Variants in CNTN5 observed in about 807,000 individuals in gnomAD.
The protein encoded by CNTN5 is contactin-5.
A neutral mutation model predicts 129.1 loss-of-function variants in CNTN5; 77 were observed. The observed-to-expected ratio is 0.60, with a 90% CI of 0.50 to 0.72. The LOEUF is 0.72. CNTN5 is among the 30% of genes least tolerant of loss of function. The probability of loss-of-function intolerance (pLI) is 0.00; values close to 1 mark genes in which losing one functional copy is unlikely to be tolerated. For missense variants in CNTN5, 1,478 were observed against 1,328.8 expected, an observed-to-expected ratio of 1.11 and a Z score of -1.75; for synonymous variants, 509 against 465.6, an observed-to-expected ratio of 1.09 and a Z score of -1.20.
intron 3 of CNTN5, among the ~76,000 whole-genome samples, chr11:99,586,930 C>T (rs1284043377): frequency 1.3e-5 from 2 of 152,190 alleles, no homozygotes; most frequent in South Asian, 2.1e-4. Context: ...CGTTAATGCA[C>T]CTAGGCAGAG....
At chr11:99,627,954 A>G (rs767132006) in intron 3 of CNTN5, among the ~76,000 whole-genome samples, 2 of 149,874 alleles carry the variant, frequency 1.3e-5, no homozygotes, top group Non-Finnish European at 3.0e-5. Flanking sequence ...AGGGAAGCAC[A>G]TTCAGCTACA....
At chr11:99,581,720 G>A (rs979090459) in intron 3 of CNTN5, among the ~76,000 whole-genome samples, 1 of 152,084 alleles carries the variant, frequency 6.6e-6, no homozygotes, top group Non-Finnish European at 1.5e-5. Flanking sequence ...TTGAGACTAT[G>A]TGTGTCTCAG....
Position 100,169,252 on chromosome 11 carries a change from T to C in CNTN5, c.1581-21874T>C, listed in dbSNP as rs1277287802. Among the ~76,000 whole-genome samples, 3 of 151,956 alleles carry C rather than the reference T, an allele frequency of 2.0e-5. No individual in the cohort carries two copies. In the East Asian group the frequency reaches 5.8e-4, roughly 29 times the overall value. On this transcript the variant is annotated intron_variant, in intron 13 of 24. Transcript: ENST00000524871. Reference sequence around the variant, plus strand: ...ACTCCTATTTTTGAGAGAAGCTCTGTTGGGTGAAGTATGAACCAACAGCAT... The same window carrying C: ...ACTCCTATTTTTGAGAGAAGCTCTGCTGGGTGAAGTATGAACCAACAGCAT...
At chr11:99,324,735 G>A (rs1184609997) in intron 1 of CNTN5, among the ~76,000 whole-genome samples, 8 of 152,004 alleles carry the variant, frequency 5.3e-5, no homozygotes, top group South Asian at 2.1e-4. Context: ...TCCACCTCCC[G>A]GGTTCACACC....
At chr11:99,927,681 A>G (rs998309552) in intron 7 of CNTN5, among the ~76,000 whole-genome samples, 3 of 152,116 alleles carry the variant, frequency 2.0e-5, no homozygotes, top group African/African-American at 7.2e-5. Flanking sequence ...CTCATGATTA[A>G]ATTACCTCTC....
intron 2 of CNTN5, among the ~76,000 whole-genome samples, chr11:99,371,546 C>G (rs1939824676): frequency 6.6e-6 from 1 of 151,884 alleles, no homozygotes. Context: ...ACTAGATGGG[C>G]TAATTTCTTA....
intron 4 of CNTN5, among the ~76,000 whole-genome samples, chr11:99,830,129 G>A (rs189244696): frequency 6.6e-5 from 10 of 152,106 alleles, no homozygotes; most frequent in African/African-American, 1.7e-4. Context: ...TTTCGGGGGC[G>A]GGGAGCATGT....
At chr11:99,598,461 T>TAAA (rs1950213989) in intron 3 of CNTN5, among the ~76,000 whole-genome samples, 1 of 131,766 alleles carries the variant, frequency 7.6e-6, no homozygotes, top group Non-Finnish European at 1.6e-5. Context: ...TTCCTTCCTT[T>TAAA]TTCCCTTCCT....
intron 1 of CNTN5, among the ~76,000 whole-genome samples, chr11:99,194,659 G>A (rs527916841): frequency 2.8e-4 from 42 of 152,100 alleles, no homozygotes; most frequent in Non-Finnish European, 5.0e-4. Flanking sequence ...AGGCTGGAGT[G>A]CAGTGGCCCG....
chr11:99,740,654 ACC>A (rs1397505001), intron 3 of CNTN5, among the ~76,000 whole-genome samples: 1 of 152,124 alleles, frequency 6.6e-6, no homozygotes, highest in Non-Finnish European at 1.5e-5. Flanking sequence ...CCCTAGCCAC[ACC>A]CTCAGCAGGC....
At chr11:99,592,413 C>G (rs1950005388) in intron 3 of CNTN5, among the ~76,000 whole-genome samples, 1 of 152,078 alleles carries the variant, frequency 6.6e-6, no homozygotes, top group African/African-American at 2.4e-5. Context: ...TCAGAGAAAC[C>G]AAGTTAAAGA....
intron 23 of CNTN5, among the ~76,000 whole-genome samples, chr11:100,349,208 G>T (rs186496854): frequency 2.6e-5 from 4 of 152,038 alleles, no homozygotes; most frequent in South Asian, 2.1e-4. Context: ...TCAAGTACAC[G>T]CAGGCTTCAA....
At chr11:99,402,370 A>G (rs1177964545) in intron 2 of CNTN5, among the ~76,000 whole-genome samples, 1 of 152,162 alleles carries the variant, frequency 6.6e-6, no homozygotes, top group African/African-American at 2.4e-5. Flanking sequence ...GATGTATTAC[A>G]TTGATTAATT....
chr11:99,844,790 A>T, intron 4 of CNTN5, 62 bp from the exon 5 acceptor site: 1 of 1,518,308 alleles, frequency 6.6e-7, no homozygotes, highest in Non-Finnish European at 8.9e-7. Flanking sequence ...TGGAAAAGAA[A>T]AAAACACAAA....
At chr11:100,247,825 T>C (rs1005153196) in intron 16 of CNTN5, among the ~76,000 whole-genome samples, 5 of 152,154 alleles carry the variant, frequency 3.3e-5, no homozygotes, top group African/African-American at 1.2e-4. Flanking sequence ...TTTCTACATA[T>C]CCTTTTCCAT....
chr11:100,246,919 C>T (rs1949852479), intron 16 of CNTN5, among the ~76,000 whole-genome samples: 1 of 152,000 alleles, frequency 6.6e-6, no homozygotes, highest in African/African-American at 2.4e-5. Flanking sequence ...CCTGAGAATA[C>T]AATAGTGAGA....
chr11:99,080,858 G>A (rs1261957021), intron 1 of CNTN5, among the ~76,000 whole-genome samples: 2 of 152,080 alleles, frequency 1.3e-5, no homozygotes, highest in Non-Finnish European at 2.9e-5. Flanking sequence ...AAGGCATTGA[G>A]CATTTTAGAC....
intron 8 of CNTN5, among the ~76,000 whole-genome samples, chr11:99,994,112 C>A (rs1343214338): frequency 6.6e-6 from 1 of 152,052 alleles, no homozygotes; most frequent in Non-Finnish European, 1.5e-5. Flanking sequence ...AAAATTACCC[C>A]CCAAATACTA....
intron 15 of CNTN5, among the ~76,000 whole-genome samples, chr11:100,210,769 G>A (rs1447006431): frequency 1.3e-5 from 2 of 152,132 alleles, no homozygotes; most frequent in African/African-American, 4.8e-5. Context: ...CGTCCTTCAA[G>A]AAACCTTTCA....
Sources: allele counts gnomAD v4.1 joint callset (sites outside exome capture counted in the v4.1 genomes callset), GRCh38; gene constraint gnomAD v4.1.1; transcripts MANE v1.5; gene names NCBI Gene and HGNC (gene_info 2026-07-23, HGNC 2026-07-21).